UNC5D: variants seen among roughly 807,000 people sequenced by gnomAD.
UNC5D encodes unc-5 netrin receptor D.
UNC5D carries 39 observed loss-of-function variants against 105.4 expected under a neutral mutation model. That is an observed-to-expected ratio of 0.37 (90% CI 0.29 to 0.48). The LOEUF (loss-of-function observed/expected upper bound fraction) is 0.48, where lower values mean the gene tolerates loss of function less well. Ranked by LOEUF, UNC5D falls within the 20% of genes least tolerant of loss-of-function variation. UNC5D has a pLI of 0.98. For missense variants in UNC5D, 991 were observed against 1,202.4 expected (o/e 0.82, Z 2.60); for synonymous variants, 452 against 450.4 (o/e 1.00, Z -0.04).
chr8:35,312,857 A>T (rs971213184), intron 1 of UNC5D, among the ~76,000 whole-genome samples: 2 of 152,228 alleles, frequency 1.3e-5, no homozygotes, highest in African/African-American at 4.8e-5. Flanking sequence ...TGTAACATTT[A>T]TTTAATCTTT....
intron 4 of UNC5D, among the ~76,000 whole-genome samples, chr8:35,608,160 C>A (rs1004283589): frequency 6.6e-6 from 1 of 152,184 alleles, no homozygotes; most frequent in East Asian, 1.9e-4. Flanking sequence ...TCCGATTCTA[C>A]CTCTGGCATC....
chr8:35,401,729 A>T (rs1432867639), intron 1 of UNC5D, among the ~76,000 whole-genome samples: 1 of 152,186 alleles, frequency 6.6e-6, no homozygotes, highest in Non-Finnish European at 1.5e-5. Flanking sequence ...ATCCCTGTGC[A>T]CCAGGTTCAT....
chr8:35,452,275 A>C (rs1290776234), intron 1 of UNC5D, among the ~76,000 whole-genome samples: 1 of 151,818 alleles, frequency 6.6e-6, no homozygotes, highest in Non-Finnish European at 1.5e-5. Context: ...TTTTATTTTT[A>C]TTTTTTTGAG....
In UNC5D at chr8:35,299,549, C is replaced by T. The variant is rs865790037; in HGVS notation, c.103+63662C>T. 3.2e-4 allele frequency among the ~76,000 whole-genome samples: 49 copies of T among 152,092 alleles called. 1 individual carries two copies. The highest frequency in any genetic ancestry group is 8.2e-4 in the African/African-American group (34 of 41,406). ...GAGTAAAAATAAAAAATACATAAAG[C>T]GTGGCACTGTCATTCTCTGCTAGTG... On this transcript the variant is annotated intron_variant, in intron 1 of 16. Coordinates refer to ENST00000404895, the MANE Select transcript of UNC5D (RefSeq NM_080872.4).
chr8:35,632,987 C>G (rs1036722348), intron 4 of UNC5D, among the ~76,000 whole-genome samples: 1 of 152,330 alleles, frequency 6.6e-6, no homozygotes, highest in African/African-American at 2.4e-5. Flanking sequence ...TCAGCTCCCT[C>G]CTACAGAAGA....
chr8:35,554,483 G>T (rs919181591), intron 2 of UNC5D, among the ~76,000 whole-genome samples: 4 of 152,166 alleles, frequency 2.6e-5, no homozygotes, highest in Non-Finnish European at 4.4e-5. Context: ...ACATCTGGAA[G>T]CTCAGAGTTG....
chr8:35,566,885 GC>G (rs1316283246), intron 2 of UNC5D, among the ~76,000 whole-genome samples: 1 of 152,188 alleles, frequency 6.6e-6, no homozygotes, highest in Non-Finnish European at 1.5e-5. Context: ...TGTGAAGGCT[GC>G]TTCCCTGTTT....
At chr8:35,385,679 A>G (rs1803347480) in intron 1 of UNC5D, among the ~76,000 whole-genome samples, 1 of 151,906 alleles carries the variant, frequency 6.6e-6, no homozygotes, top group African/African-American at 2.4e-5. Flanking sequence ...GTTAGCCAGG[A>G]TGGTCTCGAT....
chr8:35,271,370 T>G, intron 1 of UNC5D, among the ~76,000 whole-genome samples: 1 of 131,868 alleles, frequency 7.6e-6, no homozygotes, highest in African/African-American at 2.8e-5. Context: ...CACGTGCACG[T>G]GTGTATGTAT....
intron 14 of UNC5D, among the ~76,000 whole-genome samples, chr8:35,762,976 C>T (rs773236655): frequency 6.6e-6 from 1 of 152,160 alleles, no homozygotes; most frequent in Non-Finnish European, 1.5e-5. Context: ...TCTTTAAACA[C>T]CCATAACTTT....
intron 1 of UNC5D, among the ~76,000 whole-genome samples, chr8:35,501,900 C>T (rs369829070): frequency 1.3e-5 from 2 of 152,158 alleles, no homozygotes; most frequent in Admixed American, 6.5e-5. Context: ...CCCCTAACTT[C>T]GGCATTAAAC....
At position 35,599,355 on chromosome 8, in the gene UNC5D, T is replaced by C. The variant is rs141156507; in HGVS notation, c.570+3698T>C. ...TTGTATTCTTTAAAAATGCTAAGAGTAGATTTTAAGTGTTTGCATCCCAAA... is the reference window on the plus strand; with the variant it reads ...TTGTATTCTTTAAAAATGCTAAGAGCAGATTTTAAGTGTTTGCATCCCAAA... On this transcript the variant is annotated intron_variant, in intron 4 of 16. Coordinates refer to ENST00000404895, the MANE Select transcript of UNC5D (RefSeq NM_080872.4). 6.2e-3 allele frequency among the ~76,000 whole-genome samples: 945 copies of C among 152,022 alleles called. 4 individuals carry two copies. The highest frequency in any genetic ancestry group is 0.022 in the African/African-American group (912 of 41,464).
intron 1 of UNC5D, among the ~76,000 whole-genome samples, chr8:35,236,302 G>A (rs1184063106): frequency 2.0e-5 from 3 of 152,238 alleles, no homozygotes; most frequent in Non-Finnish European, 4.4e-5. Flanking sequence ...GGGGCCAGGT[G>A]ATGGGAGTGT....
At chr8:35,422,378 T>A (rs180720721) in intron 1 of UNC5D, among the ~76,000 whole-genome samples, 3 of 152,330 alleles carry the variant, frequency 2.0e-5, no homozygotes, top group Non-Finnish European at 2.9e-5. Context: ...TACATTTGAA[T>A]CAATCCTGGC....
chr8:35,260,337 G>A (rs1280115647), intron 1 of UNC5D, among the ~76,000 whole-genome samples: 2 of 152,284 alleles, frequency 1.3e-5, no homozygotes, highest in Non-Finnish European at 2.9e-5. Context: ...ACTACAAGCA[G>A]CTATAGAAAA....
rs1239037057 is a variant in UNC5D at position 35,555,638 on chromosome 8, C to T, written c.322+6128C>T. Among the ~76,000 whole-genome samples the T allele has an allele frequency of 4.6e-5, 7 of 151,964 alleles. No homozygotes were observed. In the East Asian group the frequency reaches 1.4e-3, roughly 30 times the overall value. The stretch of plus-strand genomic sequence containing the variant: ...GTCAAGAGATCAAGACCAGCCTGGC[C>T]AACATGGTGAAACCCTGTCTCTACT... On this transcript the variant is annotated intron_variant, in intron 2 of 16. Transcript: ENST00000404895.
intron 1 of UNC5D, among the ~76,000 whole-genome samples, chr8:35,476,332 A>T (rs1810097588): frequency 1.3e-5 from 2 of 152,188 alleles, no homozygotes; most frequent in Admixed American, 1.3e-4. Flanking sequence ...TGTGAGGTCA[A>T]CTAGACACTT....
intron 1 of UNC5D, among the ~76,000 whole-genome samples, chr8:35,512,535 GTATGTATATATATATATATATA>G (rs1157467633): frequency 3.0e-5 from 1 of 33,448 alleles, no homozygotes; most frequent in Non-Finnish European, 4.8e-5. Context: ...ATTCAGATAT[GTATGTATATATATATATATATA>G]TATATATATA....
chr8:35,410,095 G>A (rs7829184), intron 1 of UNC5D, among the ~76,000 whole-genome samples: 75 of 151,916 alleles, frequency 4.9e-4, no homozygotes, highest in African/African-American at 1.4e-3. Context: ...TCCACTTTAC[G>A]TCTTGGATAT....
Sources: allele counts gnomAD v4.1 joint callset (sites outside exome capture counted in the v4.1 genomes callset), GRCh38; gene constraint gnomAD v4.1.1; transcripts MANE v1.5; gene names NCBI Gene and HGNC (gene_info 2026-07-23, HGNC 2026-07-21).